The following ITGA8 variants were observed in gnomAD, a reference collection of about 807,000 sequenced individuals.
ITGA8 encodes integrin subunit alpha 8.
Under a neutral mutation model 142.3 loss-of-function variants are expected in ITGA8, and 91 were observed. The ratio of observed to expected loss-of-function variants is 0.64; its 90% CI spans 0.54 to 0.76. ITGA8 has a LOEUF of 0.76. Ranked by LOEUF, ITGA8 falls within the 30% of genes least tolerant of loss-of-function variation. The pLI is 0.00. For synonymous variants in ITGA8, 505 were observed against 485.2 expected (o/e 1.04, Z -0.54); for missense variants, 1,406 against 1,327.7 (o/e 1.06, Z -0.92).
intron 13 of ITGA8, among the ~76,000 whole-genome samples, chr10:15,622,136 G>A (rs988543613): frequency 2.6e-5 from 4 of 152,044 alleles, no homozygotes; most frequent in East Asian, 3.9e-4. Context: ...CAGCCTGGGC[G>A]ACAGAGCAAG....
intron 2 of ITGA8, among the ~76,000 whole-genome samples, chr10:15,710,195 A>G (rs1389016845): frequency 6.6e-6 from 1 of 152,210 alleles, no homozygotes; most frequent in Admixed American, 6.5e-5. Flanking sequence ...GTCTCTCATT[A>G]CAATTTCCTT....
chr10:15,584,891 T>C (rs1474270902), intron 23 of ITGA8, among the ~76,000 whole-genome samples: 4 of 152,066 alleles, frequency 2.6e-5, no homozygotes, highest in African/African-American at 9.7e-5. Context: ...ACCCTGTCTC[T>C]ACTAAAAATA....
chr10:15,605,653 C>A (rs1833180893), intron 19 of ITGA8, 71 bp downstream of exon 19: 15 of 1,258,060 alleles, frequency 1.2e-5, no homozygotes, highest in Non-Finnish European at 1.5e-5. Flanking sequence ...TATACTTTCT[C>A]CAGAGAACCT....
At chr10:15,537,263 C>G (rs1833464656) in intron 27 of ITGA8, among the ~76,000 whole-genome samples, 2 of 152,162 alleles carry the variant, frequency 1.3e-5, no homozygotes, top group African/African-American at 2.4e-5. Context: ...TGTTAATAGG[C>G]CCCAATGTAC....
At chr10:15,688,064 A>G (rs1331686317) in intron 2 of ITGA8, 26 bp from the exon 3 acceptor site, 2 of 1,478,278 alleles carry the variant, frequency 1.4e-6, no homozygotes, top group South Asian at 1.1e-5. Context: ...GGAAGAGTTA[A>G]TAATTTGTAA....
intron 8 of ITGA8, among the ~76,000 whole-genome samples, chr10:15,662,073 G>C (rs1011979900): frequency 1.3e-5 from 2 of 152,092 alleles, no homozygotes; most frequent in Non-Finnish European, 2.9e-5. Context: ...CGGGAATTTT[G>C]TTTTTAAAGT....
rs1588718207 is a variant in ITGA8 at position 15,678,656 on chromosome 10, G to A, written c.630+66C>T. ...GTGGTGGTGGTTTTGGGGTGTGGGA[G>A]TGAGAGGCAGAGGGTAAAAAAAAAT... is the stretch of plus-strand genomic sequence containing the variant. On this transcript the variant is annotated intron_variant, in intron 5 of 29. Coordinates refer to ENST00000378076, the MANE Select transcript of ITGA8 (RefSeq NM_003638.3). The A allele has an allele frequency of 4.7e-6, 5 of 1,060,398 alleles. No homozygotes were observed. In the East Asian group the frequency reaches 1.2e-4, roughly 25 times the overall value. 65.7% of individuals were successfully genotyped at this position (1,060,398 alleles called of 1,614,324 possible). A position where few individuals can be genotyped will look rare whatever the true frequency, so the allele number is the denominator to read the frequency against.
chr10:15,560,616 A>G (rs1833957816), intron 25 of ITGA8, among the ~76,000 whole-genome samples: 2 of 152,260 alleles, frequency 1.3e-5, no homozygotes, highest in Admixed American at 6.5e-5. Flanking sequence ...CTATTTATAC[A>G]GAATACTACT....
At chr10:15,577,108 G>A (rs1269160504) in intron 23 of ITGA8, among the ~76,000 whole-genome samples, 3 of 152,072 alleles carry the variant, frequency 2.0e-5, no homozygotes, top group African/African-American at 4.8e-5. Context: ...TTGAGTTCGT[G>A]TTCACTATCC....
chr10:15,697,426 C>T (rs1481988172), intron 2 of ITGA8, among the ~76,000 whole-genome samples: 1 of 152,148 alleles, frequency 6.6e-6, no homozygotes, highest in Non-Finnish European at 1.5e-5. Context: ...TTCCTCTTCC[C>T]TCCTCCCCGT....
At chr10:15,694,160 TATATC>T (rs1328281946) in intron 2 of ITGA8, among the ~76,000 whole-genome samples, 2 of 143,396 alleles carry the variant, frequency 1.4e-5, no homozygotes, top group East Asian at 2.0e-4. Context: ...TATCAGATAA[TATATC>T]ATATATCAGA....
chr10:15,718,844 C>T lies in ITGA8; in HGVS notation c.265G>A (p.Glu89Lys). Residue 89 changes from glutamate to lysine, a missense_variant, in exon 2 of 30, where the codon GAA becomes AAA. By Grantham distance (56) the Glu-to-Lys change is moderately conservative (BLOSUM62 1). Coordinates refer to ENST00000378076, the MANE Select transcript of ITGA8 (RefSeq NM_003638.3). Reference sequence around the variant, plus strand: ...GGACAGTAATAGACGGCTCCCCCTTCCACGATATCGGGCTGGCTGGTGTTG... The same window carrying T: ...GGACAGTAATAGACGGCTCCCCCTTTCACGATATCGGGCTGGCTGGTGTTG... ...KANTSQPDIVEGGAVYYCPWP... is the reference protein window; with the variant it reads ...KANTSQPDIVKGGAVYYCPWP... The T allele has an allele frequency of 6.2e-7, 1 of 1,614,194 alleles. No homozygotes were observed. Among genetic ancestry groups the T allele is most frequent in the Non-Finnish European group, 8.5e-7 (1 of 1,180,036 alleles).
At chr10:15,710,433 A>C (rs1835342373) in intron 2 of ITGA8, among the ~76,000 whole-genome samples, 2 of 152,188 alleles carry the variant, frequency 1.3e-5, no homozygotes, top group Admixed American at 1.3e-4. Context: ...TTTCTTCTTA[A>C]AAAAGGATTT....
intron 2 of ITGA8, among the ~76,000 whole-genome samples, chr10:15,698,215 C>T (rs1188404332): frequency 1.3e-5 from 2 of 152,188 alleles, no homozygotes; most frequent in African/African-American, 2.4e-5. Flanking sequence ...CAATTCCATC[C>T]AGGTTGCTGA....
chr10:15,678,131 C>T (rs539114806), intron 5 of ITGA8, among the ~76,000 whole-genome samples: 1 of 152,248 alleles, frequency 6.6e-6, no homozygotes, highest in Non-Finnish European at 1.5e-5. Flanking sequence ...GAATTGACAT[C>T]CTCACCTTTC....
At chr10:15,648,522 T>C (rs1834028332) in intron 11 of ITGA8, among the ~76,000 whole-genome samples, 1 of 150,548 alleles carries the variant, frequency 6.6e-6, no homozygotes. Flanking sequence ...TATATTAATA[T>C]ACAAAAATTA....
Position 15,634,984 on chromosome 10 carries a change from A to AT in ITGA8, c.1399+9045dup, listed in dbSNP as rs1418559977. Among the ~76,000 whole-genome samples the AT allele has an allele frequency of 3.0e-5, 4 of 135,060 alleles. No homozygotes were observed. In the East Asian group the frequency reaches 8.3e-4, roughly 28 times the overall value. The allele number at this position is 135,060 out of a possible 152,430, so 88.6% of individuals were successfully genotyped here. On this transcript the variant is annotated intron_variant, in intron 13 of 29. Coordinates refer to ENST00000378076, the MANE Select transcript of ITGA8 (RefSeq NM_003638.3). ...TTGAGAAAAAATAATTTCACTAAAT[A>AT]TTTTTTCTTTCTTTCTTTCTTTTTT... is the stretch of plus-strand genomic sequence containing the variant.
chr10:15,565,922 G>A (rs1221546072), intron 25 of ITGA8, among the ~76,000 whole-genome samples: 1 of 151,972 alleles, frequency 6.6e-6, no homozygotes, highest in Non-Finnish European at 1.5e-5. Context: ...ATGTGTGTGT[G>A]TGCGCACGCG....
Position 15,577,291 on chromosome 10 carries a change from T to A in ITGA8, c.2373-1697A>T, listed in dbSNP as rs535912065. On this transcript the variant is annotated intron_variant, in intron 23 of 29. Transcript: ENST00000378076. ...GATCATAGAATCATATGTATTTGAA[T>A]CTTGACAAGTACTATGGAGATGATA... Among the ~76,000 whole-genome samples the A allele has an allele frequency of 3.1e-4, 47 of 152,258 alleles. 1 individual carries two copies. Among genetic ancestry groups the A allele is most frequent in the African/African-American group, 1.1e-3 (47 of 41,554 alleles).
Sources: allele counts gnomAD v4.1 joint callset (sites outside exome capture counted in the v4.1 genomes callset), GRCh38; gene constraint gnomAD v4.1.1; transcripts MANE v1.5; gene names NCBI Gene and HGNC (gene_info 2026-07-23, HGNC 2026-07-21).